RSF1: variants seen among roughly 807,000 people sequenced by gnomAD.
RSF1 encodes HBV pX-associated protein 8.
Under a neutral mutation model 145.2 loss-of-function variants are expected in RSF1, and 13 were observed. That is an observed-to-expected ratio of 0.09 (90% CI 0.06 to 0.14). RSF1 has a LOEUF of 0.14. Among genes scored for constraint, RSF1 ranks in the 10% least tolerant of loss-of-function variants. RSF1 has a pLI of 1.00. For synonymous variants in RSF1, 577 were observed against 592.6 expected (o/e 0.97, Z 0.38); for missense variants, 1,517 against 1,718.2 (o/e 0.88, Z 2.07).
At chr11:77,669,478 A>G (rs1448879796) in intron 15 of RSF1, among the ~76,000 whole-genome samples, 1 of 152,222 alleles carries the variant, frequency 6.6e-6, no homozygotes, top group East Asian at 1.9e-4. Context: ...ATAAAAATCC[A>G]AAGTCTATAC....
At position 77,701,772 on chromosome 11, in the gene RSF1, C is replaced by G; in HGVS notation, c.1457G>C (p.Gly486Ala). The G allele has an allele frequency of 6.2e-7, 1 of 1,613,910 alleles. No homozygotes were observed. The highest frequency in any genetic ancestry group is 8.5e-7 in the Non-Finnish European group (1 of 1,179,968). ...KDRNIITEGN[G>A]TESLNSVITS... ...TATGACAGAATTTAAGGACTCTGTTCCATTTCCCTCCGTGATGATATTTCT... is the reference window on the plus strand; with the variant it reads ...TATGACAGAATTTAAGGACTCTGTTGCATTTCCCTCCGTGATGATATTTCT... The change falls in exon 6 of 16, where the codon GGA becomes GCA. Residue 486 changes from glycine to alanine, a missense_variant. Physicochemically the swap from Gly to Ala is moderately conservative, Grantham distance 60. This residue lies in a region of RSF1 where 579 missense variants were observed against 553.5 expected (regional missense o/e 1.05). Coordinates refer to ENST00000308488, the MANE Select transcript of RSF1 (RefSeq NM_016578.4).
intron 5 of RSF1, among the ~76,000 whole-genome samples, chr11:77,706,003 C>T (rs934310267): frequency 3.9e-5 from 6 of 152,060 alleles, no homozygotes; most frequent in African/African-American, 1.2e-4. Context: ...CAGTGGCTTA[C>T]GCCTGTAATC....
intron 1 of RSF1, among the ~76,000 whole-genome samples, chr11:77,794,553 A>C (rs574420471): frequency 5.5e-4 from 83 of 152,236 alleles, no homozygotes; most frequent in African/African-American, 1.3e-3. Context: ...TTAAAAAAAA[A>C]CATACAAACA....
chr11:77,730,050 A>G (rs867099975), intron 4 of RSF1, among the ~76,000 whole-genome samples: 1 of 152,092 alleles, frequency 6.6e-6, no homozygotes, highest in Non-Finnish European at 1.5e-5. Flanking sequence ...AGAGTTTTAT[A>G]TTAATTAGTT....
chr11:77,662,056 T>C lies in RSF1; in HGVS notation c.*4861A>G, dbSNP rs1164978461. On this transcript the variant is annotated 3_prime_UTR_variant, in exon 16 of 16. Transcript: ENST00000308488. Reference sequence around the variant, plus strand: ...GGCAAGTATTCAGTCCTTAGCACACTTTCTAACTTGTACCGGTTTGGCCAA... The same window carrying C: ...GGCAAGTATTCAGTCCTTAGCACACCTTCTAACTTGTACCGGTTTGGCCAA... The C allele has an allele frequency of 6.6e-6, 1 of 152,134 alleles. No individual in the cohort carries two copies. Among genetic ancestry groups the C allele is most frequent in the African/African-American group, 2.4e-5 (1 of 41,446 alleles). 9.4% of individuals were successfully genotyped at this position (152,134 alleles called of 1,614,324 possible). A position where few individuals can be genotyped will look rare whatever the true frequency, so the allele number is the denominator to read the frequency against.
chr11:77,666,863 C>T lies in RSF1; in HGVS notation c.*54G>A, dbSNP rs772342267. 3.5e-5 allele frequency: 49 copies of T among 1,394,684 alleles called. No individual in the cohort carries two copies. The African/African-American group carries it at 3.6e-4, about 10-fold the overall frequency. 86.4% of individuals were successfully genotyped at this position (1,394,684 alleles called of 1,614,324 possible). ...ATTAAACAGCTTTTAATAACTGGCC[C>T]GCTGGTGTGAGAGCTACCGTGGAAT... is the stretch of plus-strand genomic sequence containing the variant. On this transcript the variant is annotated 3_prime_UTR_variant, in exon 16 of 16. Transcript: ENST00000308488.
rs1335240640 is a variant in RSF1 at position 77,715,084 on chromosome 11, A to G, written c.733+10461T>C. Among the ~76,000 whole-genome samples the G allele has an allele frequency of 3.9e-5, 6 of 152,148 alleles. No homozygotes were observed. In the East Asian group the frequency reaches 1.2e-3, roughly 29 times the overall value. ...GGTTACAGTGATTTATGATCATGAC[A>G]CTGTATTCTATCCTGGGCAATTGAG... On this transcript the variant is annotated intron_variant, in intron 5 of 15. Coordinates refer to ENST00000308488, the MANE Select transcript of RSF1 (RefSeq NM_016578.4).
At chr11:77,789,427 A>T (rs1331122610) in intron 1 of RSF1, among the ~76,000 whole-genome samples, 2 of 152,116 alleles carry the variant, frequency 1.3e-5, no homozygotes, top group East Asian at 1.9e-4. Flanking sequence ...CAGGGCTGAG[A>T]CTCAAGTGAT....
intron 7 of RSF1, among the ~76,000 whole-genome samples, chr11:77,695,284 T>C (rs2135845372): frequency 6.6e-6 from 1 of 152,268 alleles, no homozygotes; most frequent in East Asian, 1.9e-4. Context: ...TCACTAGTTT[T>C]AGCATTTGCC....
At chr11:77,792,627 G>A (rs1024155286) in intron 1 of RSF1, among the ~76,000 whole-genome samples, 1 of 151,882 alleles carries the variant, frequency 6.6e-6, no homozygotes, top group Non-Finnish European at 1.5e-5. Context: ...TACCCCTGAC[G>A]TTGTTTAGAG....
chr11:77,788,335 A>T (rs2135963965), intron 1 of RSF1, among the ~76,000 whole-genome samples: 1 of 151,254 alleles, frequency 6.6e-6, no homozygotes. Flanking sequence ...AAAAGTTCTT[A>T]TATGACTATG....
intron 4 of RSF1, among the ~76,000 whole-genome samples, chr11:77,736,297 T>C (rs1471965176): frequency 6.6e-6 from 1 of 152,242 alleles, no homozygotes; most frequent in Non-Finnish European, 1.5e-5. Flanking sequence ...CTTTAAATGT[T>C]TGAAGACATT....
At chr11:77,674,999 T>C in intron 14 of RSF1, 37 bp downstream of exon 14, 1 of 1,495,330 alleles carries the variant, frequency 6.7e-7, no homozygotes, top group Non-Finnish European at 9.0e-7. Context: ...CAAAAAATAA[T>C]TTATTGAGCT....
At chr11:77,869,032 TG>T in the RSF1 span, 1 of 345,536 alleles carries the variant, frequency 2.9e-6, no homozygotes, top group South Asian at 3.6e-5. Flanking sequence ...GTAACATTTG[TG>T]GGACATTCCT....
chr11:77,795,501 A>C (rs1948563244), intron 1 of RSF1, among the ~76,000 whole-genome samples: 2 of 152,188 alleles, frequency 1.3e-5, no homozygotes, highest in Non-Finnish European at 2.9e-5. Flanking sequence ...AAAACATTTC[A>C]GTATTGGTAT....
chr11:77,759,799 A>G (rs942792993), intron 2 of RSF1, among the ~76,000 whole-genome samples: 6 of 150,052 alleles, frequency 4.0e-5, no homozygotes, highest in African/African-American at 1.5e-4. Flanking sequence ...TGACTTTGGG[A>G]GTAATTCACC....
At chr11:77,773,730 G>C (rs1433864746) in intron 1 of RSF1, among the ~76,000 whole-genome samples, 5 of 152,026 alleles carry the variant, frequency 3.3e-5, no homozygotes, top group Non-Finnish European at 7.4e-5. Context: ...CCCACACAAA[G>C]CTGTAAACTG....
At chr11:77,795,272 A>G (rs982042181) in intron 1 of RSF1, among the ~76,000 whole-genome samples, 1 of 152,228 alleles carries the variant, frequency 6.6e-6, no homozygotes, top group Non-Finnish European at 1.5e-5. Flanking sequence ...TACTGCTCAA[A>G]GCAATCTACA....
At chr11:77,833,398 G>A in the RSF1 span, among the ~76,000 whole-genome samples, 1 of 152,124 alleles carries the variant, frequency 6.6e-6, no homozygotes, top group Non-Finnish European at 1.5e-5. Context: ...AAGGGACTGT[G>A]CAACCTAAAT....
Sources: allele counts gnomAD v4.1 joint callset (sites outside exome capture counted in the v4.1 genomes callset), GRCh38; gene constraint gnomAD v4.1.1; regional missense constraint gnomAD v4.1.1; transcripts MANE v1.5; gene names NCBI Gene and HGNC (gene_info 2026-07-23, HGNC 2026-07-21).